The following RCHY1 variants were observed in gnomAD, a reference collection of about 807,000 sequenced individuals.
The protein encoded by RCHY1 is RING finger and CHY zinc finger domain-containing protein 1.
A neutral mutation model predicts 41.6 loss-of-function variants in RCHY1; 21 were observed. The observed-to-expected ratio is 0.51, with a 90% CI of 0.36 to 0.73. The LOEUF is 0.73. Ranked by LOEUF, RCHY1 falls within the 30% of genes least tolerant of loss-of-function variation. The pLI is 0.00. For missense variants in RCHY1, 265 were observed against 325.3 expected (o/e 0.81, Z 1.43); for synonymous variants, 79 against 102.9 (o/e 0.77, Z 1.41).
rs1723013236 is a variant in RCHY1, at chr4:75,494,525, G to A, written c.327-346C>T. On this transcript the variant is annotated intron_variant, in intron 3 of 8. Transcript: ENST00000324439. ...ACTTGATATATTCTGAGGATTTTAT[G>A]TCTGTCTACACAGAACCACTTCATT... The A allele has an allele frequency of 1.4e-5, 3 of 215,294 alleles. No individual in the cohort carries two copies. The South Asian group carries it at 2.4e-4, about 17-fold the overall frequency. 13.3% of individuals were successfully genotyped at this position (215,294 alleles called of 1,614,324 possible). A position where few individuals can be genotyped will look rare whatever the true frequency, so the allele number is the denominator to read the frequency against.
intron 3 of RCHY1, among the ~76,000 whole-genome samples, chr4:75,506,434 AT>A (rs1263564121): frequency 6.6e-6 from 1 of 152,046 alleles, no homozygotes; most frequent in Non-Finnish European, 1.5e-5. Flanking sequence ...TGATCAATAC[AT>A]TCAAAGAAAA....
chr4:75,483,239 CTAAG>C (rs1471927373), intron 8 of RCHY1, among the ~76,000 whole-genome samples: 6 of 152,060 alleles, frequency 3.9e-5, no homozygotes, highest in Non-Finnish European at 5.9e-5. Flanking sequence ...TCTTCTAGTG[CTAAG>C]TAAGAACCTG....
At chr4:75,495,941 A>G (rs1723165526) in intron 3 of RCHY1, among the ~76,000 whole-genome samples, 1 of 152,116 alleles carries the variant, frequency 6.6e-6, no homozygotes, top group Non-Finnish European at 1.5e-5. Flanking sequence ...CTATTCCTGC[A>G]CAAACAGCAA....
chr4:75,485,055 T>C (rs543770417), intron 8 of RCHY1, among the ~76,000 whole-genome samples: 102 of 152,360 alleles, frequency 6.7e-4, no homozygotes, highest in African/African-American at 2.3e-3. Flanking sequence ...GCCTTTTGGC[T>C]TAGTTACTAT....
rs1484849187 is a variant in RCHY1, at chr4:75,491,916, G to A, written c.423C>T (p.Ser141=). 1.2e-6 allele frequency: 2 copies of A among 1,605,814 alleles called. No homozygotes were observed. The highest frequency in any genetic ancestry group is 2.7e-5 in the African/African-American group (2 of 74,392). ...QGRHKCIENV[S]RQNCPICLED... ...CCAAACATATTGGACAATTCTGTCG[G>A]GACACATTTTCAATACACTGTTTAA... Residue 141 remains serine, a synonymous_variant, in exon 5 of 9, where the codon TCC becomes TCT. Transcript: ENST00000324439.
intron 8 of RCHY1, among the ~76,000 whole-genome samples, chr4:75,487,937 T>A (rs1177116884): frequency 7.3e-6 from 1 of 136,936 alleles, no homozygotes; most frequent in Non-Finnish European, 1.5e-5. Context: ...TTTGGTCAAG[T>A]ATTTTAAATC....
At chr4:75,487,878 A>G (rs1722380900) in intron 8 of RCHY1, among the ~76,000 whole-genome samples, 1 of 121,622 alleles carries the variant, frequency 8.2e-6, no homozygotes, top group Non-Finnish European at 1.7e-5. Context: ...ATATATATTC[A>G]TAATATATAT....
chr4:75,483,526 A>G (rs954031113), intron 8 of RCHY1, among the ~76,000 whole-genome samples: 1 of 152,176 alleles, frequency 6.6e-6, no homozygotes, highest in African/African-American at 2.4e-5. Flanking sequence ...TGTTTGCATA[A>G]CTACATGAAT....
In RCHY1 at chr4:75,514,326, A is replaced by G. The variant is rs920443042; in HGVS notation, c.-40T>C. ...CTCACATTCCACCGATCCTTCCCCC[A>G]GGATAAAAACCACGCCCAGAGAAGC... is the stretch of plus-strand genomic sequence containing the variant. On this transcript the variant is annotated 5_prime_UTR_variant, in exon 1 of 9. Coordinates refer to ENST00000324439, the MANE Select transcript of RCHY1 (RefSeq NM_015436.4). 5.0e-6 allele frequency: 8 copies of G among 1,591,180 alleles called. No homozygotes were observed. The African/African-American group carries it at 1.1e-4, about 21-fold the overall frequency.
At chr4:75,483,905 T>C (rs1721756625) in intron 8 of RCHY1, among the ~76,000 whole-genome samples, 1 of 152,102 alleles carries the variant, frequency 6.6e-6, no homozygotes, top group Non-Finnish European at 1.5e-5. Context: ...CTCAATACCA[T>C]GTATGGCTGA....
chr4:75,506,675 A>T (rs1206011567), intron 3 of RCHY1, among the ~76,000 whole-genome samples: 1 of 151,832 alleles, frequency 6.6e-6, no homozygotes, highest in Non-Finnish European at 1.5e-5. Context: ...TAGTAAAAAG[A>T]TCTATGGGAT....
intron 3 of RCHY1, among the ~76,000 whole-genome samples, chr4:75,497,753 G>A (rs1275081276): frequency 1.3e-5 from 2 of 151,798 alleles, no homozygotes; most frequent in African/African-American, 2.4e-5. Context: ...AAACTTTCCT[G>A]AAATTAATGA....
At chr4:75,487,019 G>C (rs1192491194) in intron 8 of RCHY1, among the ~76,000 whole-genome samples, 1 of 151,966 alleles carries the variant, frequency 6.6e-6, no homozygotes, top group African/African-American at 2.4e-5. Context: ...CTTAACGGTT[G>C]TTTCAAATTG....
chr4:75,482,752 T>C (rs1244665164), intron 8 of RCHY1, 86 bp from the exon 9 acceptor site: 2 of 913,884 alleles, frequency 2.2e-6, no homozygotes, highest in Non-Finnish European at 1.5e-6. Flanking sequence ...GAAAATCATA[T>C]TAAAGATGTG....
chr4:75,498,256 A>G (rs1309717939), intron 3 of RCHY1, among the ~76,000 whole-genome samples: 9 of 151,880 alleles, frequency 5.9e-5, no homozygotes, highest in Non-Finnish European at 1.2e-4. Flanking sequence ...GACACATCCA[A>G]CCTTCTGAGA....
rs531566698 is a variant in RCHY1 at position 75,500,887 on chromosome 4, A to T, written c.327-6708T>A. 4.2e-4 allele frequency among the ~76,000 whole-genome samples: 64 copies of T among 152,366 alleles called. 1 individual carries two copies. Among genetic ancestry groups the T allele is most frequent in the African/African-American group, 1.5e-3 (62 of 41,594 alleles). On this transcript the variant is annotated intron_variant, in intron 3 of 8. Transcript: ENST00000324439. ...CAAAAAGACTGATTTTCAAACAAAA[A>T]TACAGGAATTAATACATTCAAATAA...
chr4:75,495,928 C>T (rs1035739146), intron 3 of RCHY1, among the ~76,000 whole-genome samples: 1 of 151,992 alleles, frequency 6.6e-6, no homozygotes, highest in Non-Finnish European at 1.5e-5. Flanking sequence ...TTTATCTATT[C>T]GTCTATTCCT....
At chr4:75,491,677 T>C (rs769288472) in intron 6 of RCHY1, 40 bp from the exon 7 acceptor site, 1 of 1,600,822 alleles carries the variant, frequency 6.2e-7, no homozygotes, top group Non-Finnish European at 8.6e-7. Context: ...AAACAAAAAC[T>C]GTCTCCACTA....
At chr4:75,512,058 C>T (rs1036401966) in intron 1 of RCHY1, among the ~76,000 whole-genome samples, 11 of 152,190 alleles carry the variant, frequency 7.2e-5, no homozygotes, top group African/African-American at 2.7e-4. Flanking sequence ...CCTCTACACT[C>T]ATAGATAACA....
Sources: allele counts gnomAD v4.1 joint callset (sites outside exome capture counted in the v4.1 genomes callset), GRCh38; gene constraint gnomAD v4.1.1; transcripts MANE v1.5; gene names NCBI Gene and HGNC (gene_info 2026-07-23, HGNC 2026-07-21).